Variants in CMIP observed in about 807,000 individuals in gnomAD.
CMIP encodes the protein c-Maf inducing protein, also known as C-Maf-inducing protein.
Under a neutral mutation model 97.3 loss-of-function variants are expected in CMIP, and 13 were observed. The ratio of observed to expected loss-of-function variants is 0.13; its 90% CI spans 0.09 to 0.21. The LOEUF is 0.21. Ranked by LOEUF, CMIP falls within the 10% of genes least tolerant of loss-of-function variation. The pLI is 1.00. For synonymous variants in CMIP, 538 were observed against 436.3 expected, an observed-to-expected ratio of 1.23 and a Z score of -2.91; for missense variants, 847 against 1,024.9, an observed-to-expected ratio of 0.83 and a Z score of 2.37.
At chr16:81,561,006 G>C (rs1340517503) in intron 1 of CMIP, among the ~76,000 whole-genome samples, 2 of 152,222 alleles carry the variant, frequency 1.3e-5, no homozygotes, top group African/African-American at 4.8e-5. Context: ...CCAGGCTGGA[G>C]TGCCGTGGTG....
intron 1 of CMIP, among the ~76,000 whole-genome samples, chr16:81,487,609 C>A (rs542745301): frequency 2.0e-5 from 3 of 152,204 alleles, no homozygotes; most frequent in Admixed American, 2.0e-4. Flanking sequence ...GGTCAGAGAG[C>A]GGCTGAGTTC....
At chr16:81,469,561 C>T (rs1907402881) in intron 1 of CMIP, among the ~76,000 whole-genome samples, 1 of 152,168 alleles carries the variant, frequency 6.6e-6, no homozygotes. Context: ...GAGGAGGGGA[C>T]CTGACTACAC....
intron 10 of CMIP, among the ~76,000 whole-genome samples, chr16:81,686,350 G>A (rs1303482025): frequency 6.6e-6 from 1 of 152,168 alleles, no homozygotes; most frequent in Non-Finnish European, 1.5e-5. Context: ...ACATGCACAC[G>A]ACAGGCCTCA....
At chr16:81,535,321 T>C (rs2150829580) in intron 1 of CMIP, among the ~76,000 whole-genome samples, 1 of 152,286 alleles carries the variant, frequency 6.6e-6, no homozygotes, top group East Asian at 1.9e-4. Flanking sequence ...TCAAGCAACC[T>C]GCCCAAGGTC....
intron 1 of CMIP, among the ~76,000 whole-genome samples, chr16:81,556,532 C>A (rs1306929901): frequency 2.6e-5 from 4 of 152,150 alleles, no homozygotes. Context: ...AGTGGCCCTC[C>A]TAATGGGCAT....
intron 1 of CMIP, among the ~76,000 whole-genome samples, chr16:81,521,559 T>C (rs2090028339): frequency 6.6e-6 from 1 of 152,118 alleles, no homozygotes; most frequent in Non-Finnish European, 1.5e-5. Flanking sequence ...TAAGGGTGCG[T>C]CACCTGAGGG....
intron 13 of CMIP, chr16:81,696,352 C>G (rs549936428): frequency 3.8e-4 from 236 of 616,788 alleles, no homozygotes; most frequent in African/African-American, 3.2e-3. Context: ...TAGCCAGAGT[C>G]CCCTGGGGTG....
At chr16:81,670,629 G>A (rs1024058554) in intron 8 of CMIP, among the ~76,000 whole-genome samples, 47 of 148,088 alleles carry the variant, frequency 3.2e-4, no homozygotes, top group Non-Finnish European at 5.7e-4. Flanking sequence ...TTGGGGGGGG[G>A]GGGGGTGGTT....
At position 81,546,636 on chromosome 16, in the gene CMIP, G is replaced by A. The variant is rs74943370; in HGVS notation, c.301-60931G>A. Among the ~76,000 whole-genome samples, 424 of 152,280 alleles carry A rather than the reference G, an allele frequency of 2.8e-3. 1 individual carries two copies. Among genetic ancestry groups the A allele is most frequent in the Non-Finnish European group, 4.3e-3 (295 of 68,022 alleles). ...CCTGCCTGCAGGTAGCTGCGGCCTC[G>A]TGGAGAAAATTGAAGTCAGATGATT... On this transcript the variant is annotated intron_variant, in intron 1 of 20. Transcript: ENST00000537098.
intron 3 of CMIP, among the ~76,000 whole-genome samples, chr16:81,650,177 A>G (rs1045881047): frequency 2.6e-5 from 4 of 152,214 alleles, no homozygotes; most frequent in Non-Finnish European, 4.4e-5. Context: ...ACAACTTGTC[A>G]CGCGTTTCTT....
intron 1 of CMIP, among the ~76,000 whole-genome samples, chr16:81,577,794 T>A (rs2091222911): frequency 7.4e-6 from 1 of 134,322 alleles, no homozygotes; most frequent in African/African-American, 3.2e-5. Context: ...CACCATCACC[T>A]TCATCATCAC....
At chr16:81,648,021 G>A (rs1178372091) in intron 3 of CMIP, among the ~76,000 whole-genome samples, 5 of 105,478 alleles carry the variant, frequency 4.7e-5, no homozygotes, top group East Asian at 3.1e-4. Flanking sequence ...CCCCGCACCC[G>A]CAGAGCCGTA....
intron 2 of CMIP, chr16:81,620,247 G>GCCTAGGT (rs2091975115): frequency 6.6e-6 from 1 of 152,404 alleles, no homozygotes; most frequent in South Asian, 2.1e-4. Context: ...GTGATGTTTA[G>GCCTAGGT]CCTAGGTCTG....
chr16:81,482,565 G>A (rs2089242521), intron 1 of CMIP, among the ~76,000 whole-genome samples: 1 of 152,180 alleles, frequency 6.6e-6, no homozygotes, highest in Non-Finnish European at 1.5e-5. Context: ...GTTCCCACTT[G>A]AGCCTGGTGG....
At position 81,501,747 on chromosome 16, in the gene CMIP, A is replaced by G. The variant is rs542755305; in HGVS notation, c.300+56206A>G. On this transcript the variant is annotated intron_variant, in intron 1 of 20. Transcript: ENST00000537098. ...CTGCCTCAGCCTCCCGAGTAGCTGG[A>G]ATTACAGGTGCATGCCACCATACCC... is the stretch of plus-strand genomic sequence containing the variant. 5.7e-4 allele frequency among the ~76,000 whole-genome samples: 86 copies of G among 151,676 alleles called. No homozygotes were observed. The South Asian group carries it at 5.9e-3, about 10-fold the overall frequency.
intron 10 of CMIP, among the ~76,000 whole-genome samples, chr16:81,683,536 C>A (rs1905081935): frequency 1.3e-5 from 2 of 151,768 alleles, no homozygotes; most frequent in Admixed American, 6.6e-5. Flanking sequence ...ATTACAGGCG[C>A]CTGCCACCAA....
At chr16:81,579,211 A>G (rs2091254299) in intron 1 of CMIP, among the ~76,000 whole-genome samples, 1 of 152,156 alleles carries the variant, frequency 6.6e-6, no homozygotes, top group African/African-American at 2.4e-5. Context: ...AACAATGAGG[A>G]GGAAGATGAA....
intron 1 of CMIP, among the ~76,000 whole-genome samples, chr16:81,592,603 TCC>T (rs1329801233): frequency 6.6e-6 from 1 of 152,192 alleles, no homozygotes; most frequent in African/African-American, 2.4e-5. Context: ...ATCCTGGGGC[TCC>T]CAGGCCAGTG....
At chr16:81,448,504 G>C (rs988885908) in intron 1 of CMIP, among the ~76,000 whole-genome samples, 1 of 152,214 alleles carries the variant, frequency 6.6e-6, no homozygotes, top group Non-Finnish European at 1.5e-5. Context: ...CAAGGGACCT[G>C]ATAGCCCTCC....
Sources: gnomAD v4.1 joint callset for allele counts (sites outside exome capture counted in the v4.1 genomes callset) on GRCh38, gnomAD v4.1.1 for gene constraint, MANE v1.5 for transcripts, NCBI Gene and HGNC (gene_info 2026-07-23, HGNC 2026-07-21) for gene names.